Variants in UNC5C observed in about 807,000 individuals in gnomAD.
The protein encoded by UNC5C is unc-5 netrin receptor C.
In UNC5C, 47 loss-of-function variants were observed where a neutral mutation model predicts 99.8. The observed-to-expected ratio is 0.47, with a 90% CI of 0.37 to 0.60. The LOEUF (loss-of-function observed/expected upper bound fraction) is 0.60, where lower values mean the gene tolerates loss of function less well. UNC5C is among the 20% of genes least tolerant of loss of function. The pLI, the probability that UNC5C is intolerant of heterozygous loss-of-function variation, is 0.00. For synonymous variants in UNC5C, 487 were observed against 452.2 expected (o/e 1.08, Z -0.98); for missense variants, 1,062 against 1,165.9 (o/e 0.91, Z 1.30).
In UNC5C at chr4:95,468,712, T is replaced by C. The variant is rs1035843248; in HGVS notation, c.124+80022A>G. 5.3e-5 allele frequency among the ~76,000 whole-genome samples: 8 copies of C among 152,268 alleles called. 1 individual carries two copies. Among genetic ancestry groups the C allele is most frequent in the African/African-American group, 1.9e-4 (8 of 41,564 alleles). ...ACAATCTTTACCATAGAGGACTATG[T>C]TTAATGAGCCTTAAAGGTCTTAATG... On this transcript the variant is annotated intron_variant, in intron 1 of 15. Coordinates refer to ENST00000453304, the MANE Select transcript of UNC5C (RefSeq NM_003728.4).
rs28416731 is a variant in UNC5C, at chr4:95,298,037, G to A, written c.490+3569C>T. ...TCAAAACCAAATATGGGCCGAGTGT[G>A]GTGGCTAACGCCTGTAATCCCAATA... On this transcript the variant is annotated intron_variant, in intron 3 of 15. Transcript: ENST00000453304. 3.5e-3 allele frequency among the ~76,000 whole-genome samples: 528 copies of A among 152,322 alleles called. 1 individual carries two copies. The highest frequency in any genetic ancestry group is 6.2e-3 in the Non-Finnish European group (420 of 68,024).
chr4:95,435,962 A>T (rs1372283101), intron 1 of UNC5C, among the ~76,000 whole-genome samples: 1 of 152,068 alleles, frequency 6.6e-6, no homozygotes, highest in Non-Finnish European at 1.5e-5. Flanking sequence ...GCATAGTGAG[A>T]TAAATTTAAG....
chr4:95,457,035 A>G (rs1747452587), intron 1 of UNC5C, among the ~76,000 whole-genome samples: 2 of 152,142 alleles, frequency 1.3e-5, no homozygotes, highest in African/African-American at 2.4e-5. Flanking sequence ...CTCTTAAGTG[A>G]ATCAACTGAC....
intron 2 of UNC5C, among the ~76,000 whole-genome samples, chr4:95,312,655 T>A (rs1451035457): frequency 6.6e-6 from 1 of 152,170 alleles, no homozygotes; most frequent in Non-Finnish European, 1.5e-5. Flanking sequence ...AATCCAATGT[T>A]CCTATTCCTT....
chr4:95,354,479 A>ATATTTTTTTTTTTTTTTTT, intron 1 of UNC5C, among the ~76,000 whole-genome samples: 2 of 110,352 alleles, frequency 1.8e-5, no homozygotes, highest in Non-Finnish European at 3.6e-5. Context: ...ATATATATAT[A>ATATTTTTTTTTTTTTTTTT]TTTTTTTTTT....
chr4:95,316,222 T>C (rs2149410599), intron 2 of UNC5C, among the ~76,000 whole-genome samples: 1 of 152,308 alleles, frequency 6.6e-6, no homozygotes, highest in East Asian at 1.9e-4. Context: ...AAAAGGAGCC[T>C]GGTTTATTAC....
At chr4:95,355,776 T>C (rs769202883) in intron 1 of UNC5C, among the ~76,000 whole-genome samples, 8 of 152,294 alleles carry the variant, frequency 5.3e-5, no homozygotes, top group South Asian at 4.1e-4. Flanking sequence ...GCTGAATAAA[T>C]GGATGAATAC....
chr4:95,497,771 G>A (rs76568335), intron 1 of UNC5C, among the ~76,000 whole-genome samples: 10,519 of 151,970 alleles, frequency 0.069, 452 homozygotes, highest in Non-Finnish European at 0.1. Context: ...AGAAACTGTA[G>A]CAAAGGTGAA....
chr4:95,535,254 T>C (rs1187510654), intron 1 of UNC5C, among the ~76,000 whole-genome samples: 1 of 146,294 alleles, frequency 6.8e-6, no homozygotes, highest in African/African-American at 2.6e-5. Context: ...CAAAAAATAA[T>C]GTGATTTTAA....
At chr4:95,483,426 C>T (rs1328997599) in intron 1 of UNC5C, among the ~76,000 whole-genome samples, 1 of 151,674 alleles carries the variant, frequency 6.6e-6, no homozygotes, top group Non-Finnish European at 1.5e-5. Flanking sequence ...TATATATTTT[C>T]ATCTGCTTTT....
intron 12 of UNC5C, among the ~76,000 whole-genome samples, chr4:95,200,670 T>C (rs1048424707): frequency 6.6e-6 from 1 of 152,254 alleles, no homozygotes; most frequent in African/African-American, 2.4e-5. Flanking sequence ...TACTCTCTCT[T>C]GATATTCTTC....
intron 1 of UNC5C, among the ~76,000 whole-genome samples, chr4:95,416,538 T>C (rs1198141681): frequency 6.6e-6 from 1 of 151,984 alleles, no homozygotes; most frequent in Non-Finnish European, 1.5e-5. Flanking sequence ...GGCTAGGAGG[T>C]AGAAAGAAAA....
At chr4:95,412,005 A>T (rs1746007015) in intron 1 of UNC5C, among the ~76,000 whole-genome samples, 1 of 150,648 alleles carries the variant, frequency 6.6e-6, no homozygotes, top group Non-Finnish European at 1.5e-5. Context: ...TTTTCCTAAA[A>T]CCTAATTCTA....
At chr4:95,434,816 G>T (rs537627909) in intron 1 of UNC5C, among the ~76,000 whole-genome samples, 15 of 151,954 alleles carry the variant, frequency 9.9e-5, no homozygotes, top group Non-Finnish European at 1.9e-4. Context: ...TTTCTACTCT[G>T]TACACTGGAG....
chr4:95,499,257 A>T (rs1721708825), intron 1 of UNC5C, among the ~76,000 whole-genome samples: 1 of 152,098 alleles, frequency 6.6e-6, no homozygotes, highest in Admixed American at 6.6e-5. Flanking sequence ...ACCCTTAGGC[A>T]ACTGCAGACC....
chr4:95,427,718 A>T (rs1457373476), intron 1 of UNC5C, among the ~76,000 whole-genome samples: 3 of 152,200 alleles, frequency 2.0e-5, no homozygotes, highest in Non-Finnish European at 4.4e-5. Context: ...TGCACTGGGA[A>T]ACCAAAAAAT....
chr4:95,420,360 T>C (rs1746282122), intron 1 of UNC5C, among the ~76,000 whole-genome samples: 2 of 152,298 alleles, frequency 1.3e-5, no homozygotes, highest in African/African-American at 4.8e-5. Context: ...CATATTTGTG[T>C]CAATGGGGAC....
intron 1 of UNC5C, among the ~76,000 whole-genome samples, chr4:95,442,369 ATT>A (rs5860407): frequency 1.5e-4 from 19 of 126,292 alleles, no homozygotes; most frequent in East Asian, 4.7e-4. Context: ...TGCCCAGCTA[ATT>A]TTTTTTTTTT....
chr4:95,192,603 C>T (rs1688370353), intron 12 of UNC5C, among the ~76,000 whole-genome samples: 1 of 148,220 alleles, frequency 6.7e-6, no homozygotes, highest in Non-Finnish European at 1.5e-5. Context: ...CACCTCCTTC[C>T]CTGCTCACCT....
Sources: gnomAD v4.1 joint callset for allele counts (sites outside exome capture counted in the v4.1 genomes callset) on GRCh38, gnomAD v4.1.1 for gene constraint, MANE v1.5 for transcripts, NCBI Gene and HGNC (gene_info 2026-07-23, HGNC 2026-07-21) for gene names.